Variants in NUDT7 observed in about 807,000 individuals in gnomAD.
NUDT7 encodes nudix hydrolase 7, also known as peroxisomal coenzyme A diphosphatase NUDT7.
Under a neutral mutation model 13.1 loss-of-function variants are expected in NUDT7, and 19 were observed. The observed-to-expected ratio is 1.45, with a 90% CI of 1.01 to 2.13. NUDT7 has a LOEUF of 2.13. NUDT7 is among the 30% of genes most tolerant of loss of function. The pLI is 0.00. For synonymous variants in NUDT7, 132 were observed against 109.7 expected (o/e 1.20, Z -1.27); for missense variants, 360 against 291.7 (o/e 1.23, Z -1.71).
intron 2 of NUDT7, chr16:77,735,474 C>T (rs752219344): frequency 2.1e-5 from 14 of 655,468 alleles, no homozygotes; most frequent in Non-Finnish European, 3.6e-5. Context: ...CAAGCAGACG[C>T]CAGCATCATG....
intron 3 of NUDT7, among the ~76,000 whole-genome samples, chr16:77,738,904 A>G (rs1190390959): frequency 6.6e-6 from 1 of 152,258 alleles, no homozygotes; most frequent in Non-Finnish European, 1.5e-5. Flanking sequence ...TATCAGCAGA[A>G]TATGCCCTTG....
chr16:77,740,232 T>C (rs1463682264), intron 3 of NUDT7, among the ~76,000 whole-genome samples: 1 of 152,190 alleles, frequency 6.6e-6, no homozygotes, highest in East Asian at 1.9e-4. Flanking sequence ...CTTTCACTAT[T>C]ATTTTGGTTA....
chr16:77,741,886 A>T lies in NUDT7; in HGVS notation c.653A>T (p.Asp218Val). The T allele has an allele frequency of 6.2e-7, 1 of 1,613,964 alleles. No homozygotes were observed. The highest frequency in any genetic ancestry group is 8.5e-7 in the Non-Finnish European group (1 of 1,179,964). The change falls in exon 4 of 4, where the codon GAT becomes GTT. Residue 218 changes from aspartate (D) to valine (V), a missense_variant. Physicochemically the swap from Asp to Val is radical, Grantham distance 152. Coordinates refer to ENST00000268533, the MANE Select transcript of NUDT7 (RefSeq NM_001105663.3). The part of the protein sequence containing the change: ...PTFEVQFNLN[D>V]VLASSEELFL... ...TTTGAGGTTCAATTTAATCTTAATG[A>T]TGTATTAGCATCCTCTGAAGAGTTA...
At chr16:77,729,861 A>T (rs966579686) in intron 2 of NUDT7, among the ~76,000 whole-genome samples, 3 of 152,160 alleles carry the variant, frequency 2.0e-5, no homozygotes, top group African/African-American at 4.8e-5. Flanking sequence ...AAATCAACAG[A>T]TAAAATTGTA....
Position 77,735,915 on chromosome 16 carries a change from G to C in NUDT7, c.277G>C (p.Ala93Pro), listed in dbSNP as rs2014466971. ...MDDAATALREAQEEVGLRPHQ... is the reference protein window; with the variant it reads ...MDDAATALREPQEEVGLRPHQ... ...TGATGCAGCCACAGCTCTCCGGGAA[G>C]CCCAGGAGGAAGTGGGTCTCCGTCC... The change falls in exon 3 of 4, where the codon GCC becomes CCC. Residue 93 changes from alanine (A) to proline (P), a missense_variant. Transcript: ENST00000268533. The C allele has an allele frequency of 6.2e-7, 1 of 1,613,696 alleles. No individual in the cohort carries two copies. The highest frequency in any genetic ancestry group is 8.5e-7 in the Non-Finnish European group (1 of 1,179,752).
chr16:77,734,751 A>C (rs2014426143), intron 2 of NUDT7, among the ~76,000 whole-genome samples: 2 of 152,220 alleles, frequency 1.3e-5, no homozygotes, highest in Non-Finnish European at 2.9e-5. Context: ...TAGAACATGA[A>C]GAACCTCAAA....
chr16:77,726,553 T>G (rs2014142826), intron 2 of NUDT7, among the ~76,000 whole-genome samples: 1 of 152,156 alleles, frequency 6.6e-6, no homozygotes, highest in Non-Finnish European at 1.5e-5. Context: ...TCCCAGCACT[T>G]TGAGAGGCCA....
At chr16:77,739,257 A>G (rs747378321) in intron 3 of NUDT7, among the ~76,000 whole-genome samples, 2 of 152,232 alleles carry the variant, frequency 1.3e-5, no homozygotes, top group Non-Finnish European at 2.9e-5. Context: ...CTATTCCATA[A>G]CAGAGCAACA....
intron 2 of NUDT7, among the ~76,000 whole-genome samples, chr16:77,727,958 G>A (rs1010118180): frequency 7.9e-5 from 12 of 151,976 alleles, no homozygotes; most frequent in Admixed American, 3.3e-4. Flanking sequence ...TCAACCAACG[G>A]GGTCTCTAGT....
intron 3 of NUDT7, chr16:77,737,269 T>C (rs534932633): frequency 1.3e-5 from 2 of 152,346 alleles, no homozygotes; most frequent in South Asian, 2.1e-4. Context: ...CTTAGTCCTC[T>C]GGTCTGTGAT....
chr16:77,730,735 G>A (rs946414619), intron 2 of NUDT7, among the ~76,000 whole-genome samples: 1 of 151,912 alleles, frequency 6.6e-6, no homozygotes, highest in South Asian at 2.1e-4. Context: ...CCAAGAGTGT[G>A]TGATAGTTCC....
chr16:77,734,264 G>A (rs2014407567), intron 2 of NUDT7, among the ~76,000 whole-genome samples: 1 of 152,144 alleles, frequency 6.6e-6, no homozygotes, highest in African/African-American at 2.4e-5. Flanking sequence ...GAGTGAACTT[G>A]GTCAGGTTAT....
In NUDT7 at chr16:77,735,920, G is replaced by T; in HGVS notation, c.282G>T (p.Gln94His). Residue 94 changes from glutamine to histidine, a missense_variant, in exon 3 of 4, where the codon CAG becomes CAT. By Grantham distance (24) the Gln-to-His change is conservative (BLOSUM62 0). Coordinates refer to ENST00000268533, the MANE Select transcript of NUDT7 (RefSeq NM_001105663.3). Reference sequence around the variant, plus strand: ...CAGCCACAGCTCTCCGGGAAGCCCAGGAGGAAGTGGGTCTCCGTCCTCACC... The same window carrying T: ...CAGCCACAGCTCTCCGGGAAGCCCATGAGGAAGTGGGTCTCCGTCCTCACC... ...DDAATALREA[Q>H]EEVGLRPHQV... 1 of 1,614,086 alleles carries T rather than the reference G, an allele frequency of 6.2e-7. No homozygotes were observed. Among genetic ancestry groups the T allele is most frequent in the Non-Finnish European group, 8.5e-7 (1 of 1,179,988 alleles).
chr16:77,735,249 C>A, intron 2 of NUDT7: 2 of 400,774 alleles, frequency 5.0e-6, no homozygotes, highest in Non-Finnish European at 8.8e-6. Flanking sequence ...CAATATTGGA[C>A]CTGGGGCCTG....
chr16:77,733,145 A>T (rs1237362771), intron 2 of NUDT7, among the ~76,000 whole-genome samples: 1 of 152,194 alleles, frequency 6.6e-6, no homozygotes, highest in Non-Finnish European at 1.5e-5. Flanking sequence ...GTCTTGCCCA[A>T]ATGAGGCTGA....
intron 2 of NUDT7, among the ~76,000 whole-genome samples, chr16:77,731,276 A>G (rs531487199): frequency 1.3e-5 from 2 of 152,312 alleles, no homozygotes; most frequent in East Asian, 3.9e-4. Context: ...TTGGTATGCT[A>G]TGAGATACTT....
At chr16:77,725,279 G>A in intron 1 of NUDT7, 152 bp from the exon 2 acceptor site, 2 of 630,120 alleles carry the variant, frequency 3.2e-6, no homozygotes, top group South Asian at 5.7e-5. Flanking sequence ...AATTTAGATA[G>A]TATCATTTCT....
intron 2 of NUDT7, among the ~76,000 whole-genome samples, chr16:77,731,546 C>G (rs2014319323): frequency 6.6e-6 from 1 of 152,162 alleles, no homozygotes; most frequent in Non-Finnish European, 1.5e-5. Context: ...ATATATAATA[C>G]TTGATAATGA....
rs770571318 is a variant in NUDT7, at chr16:77,741,828, G to A, written c.595G>A (p.Val199Met). 1.2e-6 allele frequency: 2 copies of A among 1,614,090 alleles called. No individual in the cohort carries two copies. The highest frequency in any genetic ancestry group is 1.6e-4 in the Middle Eastern group (1 of 6,062). ...KGMTANLAVL[V>M]AFIILEKKPT... Reference sequence around the variant, plus strand: ...AATGACGGCAAACCTTGCAGTGTTGGTGGCCTTTATCATTTTGGAAAAAAA... The same window carrying A: ...AATGACGGCAAACCTTGCAGTGTTGATGGCCTTTATCATTTTGGAAAAAAA... The change falls in exon 4 of 4, where the codon GTG becomes ATG. Residue 199 changes from valine (V) to methionine (M), a missense_variant. Transcript: ENST00000268533.
Sources: allele counts gnomAD v4.1 joint callset (sites outside exome capture counted in the v4.1 genomes callset), GRCh38; gene constraint gnomAD v4.1.1; transcripts MANE v1.5; gene names NCBI Gene and HGNC (gene_info 2026-07-23, HGNC 2026-07-21).